The following ABCC10 variants were observed in gnomAD, a reference collection of about 807,000 sequenced individuals.
ABCC10 encodes the protein ATP-binding cassette sub-family C member 10.
In ABCC10, 110 loss-of-function variants were observed where a neutral mutation model predicts 143.2. That is an observed-to-expected ratio of 0.77 (90% CI 0.66 to 0.90). The LOEUF (loss-of-function observed/expected upper bound fraction) is 0.90. Among genes scored for constraint, ABCC10 ranks in the 40% least tolerant of loss-of-function variants. ABCC10 has a pLI of 0.00. For synonymous variants in ABCC10, 805 were observed against 846.7 expected, an observed-to-expected ratio of 0.95 and a Z score of 0.85; for missense variants, 1,700 against 1,900.5, an observed-to-expected ratio of 0.89 and a Z score of 1.96.
chr6:43,432,358 T>C lies in ABCC10; in HGVS notation c.378T>C (p.Pro126=). The part of the protein sequence containing the change: ...SLALWVLAHS[P]HGHSRGPLAL... ...CCCTGTGGGTGTTGGCACATTCCCC[T>C]CATGGCCACTCCCGGGGTCCCTTGG... Residue 126 remains proline (P), a synonymous_variant, in exon 3 of 22, where the codon CCT becomes CCC. Transcript: ENST00000372530. 6.2e-7 allele frequency: 1 copy of C among 1,613,656 alleles called. No individual in the cohort carries two copies. Among genetic ancestry groups the C allele is most frequent in the Admixed American group, 1.7e-5 (1 of 60,034 alleles).
chr6:43,444,681 T>C (rs1782839944), intron 12 of ABCC10, 107 bp from the exon 13 acceptor site: 2 of 1,461,066 alleles, frequency 1.4e-6, no homozygotes, highest in Non-Finnish European at 1.8e-6. Flanking sequence ...GCCAGGCGGA[T>C]GGAGATGGGC....
rs1781273785 is a variant in ABCC10, at chr6:43,432,747, C to T, written c.767C>T (p.Pro256Leu). ...DICRLPHRLQ[P>L]TYLARVFQAH... ...TGCCGCCTCCCCCACAGACTGCAGC[C>T]AACCTACCTGGCTCGTGTCTTCCAG... The change falls in exon 3 of 22, where the codon CCA becomes CTA. Residue 256 changes from proline to leucine, a missense_variant. By Grantham distance (98) the Pro-to-Leu change is moderately conservative. Transcript: ENST00000372530. The T allele has an allele frequency of 3.1e-6, 5 of 1,614,054 alleles. No homozygotes were observed. The East Asian group carries it at 1.1e-4, about 36-fold the overall frequency.
chr6:43,429,855 G>A (rs1249933360), intron 2 of ABCC10, among the ~76,000 whole-genome samples: 3 of 152,114 alleles, frequency 2.0e-5, no homozygotes, highest in East Asian at 3.9e-4. Context: ...ATCTTGAATC[G>A]CTTGAACCCA....
In ABCC10 at chr6:43,444,210, A is replaced by G. The variant is rs778078772; in HGVS notation, c.2546A>G (p.Glu849Gly). Residue 849 changes from glutamate (E) to glycine (G), a missense_variant, in exon 12 of 22, where the codon GAG becomes GGG. Transcript: ENST00000372530. ...GAGAAAACAAAGGAGGGGCTGGAGG[A>G]GGAGCAGAGCACATCTGGTCGCCTG... The part of the protein sequence containing the change: ...NPEKTKEGLE[E>G]EQSTSGRLLQ... 11 of 1,614,150 alleles carry G rather than the reference A, an allele frequency of 6.8e-6. No homozygotes were observed. Among genetic ancestry groups the G allele is most frequent in the Non-Finnish European group, 9.3e-6 (11 of 1,180,012 alleles).
At chr6:43,446,020 G>A in intron 15 of ABCC10, 78 bp downstream of exon 15, 1 of 1,458,268 alleles carries the variant, frequency 6.9e-7, no homozygotes, top group Non-Finnish European at 9.2e-7. Flanking sequence ...GGAATATGCA[G>A]GGTATGGTTG....
chr6:43,429,582 C>A (rs1053166903), intron 2 of ABCC10, among the ~76,000 whole-genome samples: 3 of 152,064 alleles, frequency 2.0e-5, no homozygotes, highest in Non-Finnish European at 2.9e-5. Context: ...CAAGTGCATG[C>A]CACCACACCT....
chr6:43,428,099 C>T lies in ABCC10; in HGVS notation c.121C>T (p.Leu41Phe), dbSNP rs953490813. ...QLVLSALPHA[L>F]LAVLSACYLG... ...GGTGCTCAGCGCCCTGCCCCACGCG[C>T]TCCTCGCCGTGCTCAGTGCCTGTTA... Residue 41 changes from leucine to phenylalanine, a missense_variant, in exon 2 of 22, where the codon CTC becomes TTC. Coordinates refer to ENST00000372530, the MANE Select transcript of ABCC10 (RefSeq NM_001198934.2). The T allele has an allele frequency of 4.9e-5, 76 of 1,553,978 alleles. No individual in the cohort carries two copies. Among genetic ancestry groups the T allele is most frequent in the Non-Finnish European group, 5.8e-5 (67 of 1,151,070 alleles).
chr6:43,451,374 C>G (rs1581811465), downstream of ABCC10: 5 of 1,425,758 alleles, frequency 3.5e-6, no homozygotes, highest in East Asian at 1.2e-4. This position sits in a 1 kb window ranked among gnomAD's most constrained non-coding sequence, Gnocchi z 4.4. Context: ...TCATCTTGGG[C>G]TACACACTCC....
intron 17 of ABCC10, 47 bp from the exon 18 acceptor site, chr6:43,447,637 C>T (rs771602351): frequency 1.2e-6 from 2 of 1,608,854 alleles, no homozygotes; most frequent in African/African-American, 1.3e-5. Flanking sequence ...TCCTCATCTC[C>T]CCTATCTCCC....
Position 43,434,411 on chromosome 6 carries a change from G to C in ABCC10, c.1381-210G>C, listed in dbSNP as rs140010470. ...AGCAAATGGAGAAGTAAGAGACTGGGAGGGGAAGCAACCCAGGGCTGAAAA... is the reference window on the plus strand; with the variant it reads ...AGCAAATGGAGAAGTAAGAGACTGGCAGGGGAAGCAACCCAGGGCTGAAAA... On this transcript the variant is annotated intron_variant, in intron 3 of 21. Transcript: ENST00000372530. The C allele has an allele frequency of 8.7e-4, 461 of 532,330 alleles. 1 individual carries two copies. The highest frequency in any genetic ancestry group is 6.5e-3 in the African/African-American group (345 of 53,030). The allele number at this position is 532,330 out of a possible 1,614,324, so 33.0% of individuals were successfully genotyped here.
At chr6:43,427,829 G>A in intron 1 of ABCC10, 72 bp downstream of exon 1, 1 of 913,272 alleles carries the variant, frequency 1.1e-6, no homozygotes, top group Non-Finnish European at 1.8e-6. Context: ...CGCGAGAATG[G>A]GCGGGGTCTG....
chr6:43,433,100 C>T lies in ABCC10; in HGVS notation c.1120C>T (p.Arg374Cys), dbSNP rs781618715. Residue 374 changes from arginine to cysteine, a missense_variant, in exon 3 of 22, where the codon CGC becomes TGC. By Grantham distance (180) the Arg-to-Cys change is radical (BLOSUM62 -3). Coordinates refer to ENST00000372530, the MANE Select transcript of ABCC10 (RefSeq NM_001198934.2). ...CAAGGCTTTACAGCTGGGGCCCAGC[C>T]GCCCTCCTACTGGGGAGGCCCTGAA... ...YCKALQLGPS[R>C]PPTGEALNLL... 1.6e-5 allele frequency: 26 copies of T among 1,614,014 alleles called. No homozygotes were observed. Among genetic ancestry groups the T allele is most frequent in the East Asian group, 8.9e-5 (4 of 44,894 alleles).
At chr6:43,427,928 T>G in intron 1 of ABCC10, 40 bp from the exon 2 acceptor site, 1 of 1,607,784 alleles carries the variant, frequency 6.2e-7, no homozygotes, top group Non-Finnish European at 8.5e-7. Flanking sequence ...CAAAGCCGGC[T>G]GTTACCCTGC....
At chr6:43,446,192 A>G (rs1421635285) in intron 15 of ABCC10, 85 bp from the exon 16 acceptor site, 5 of 1,493,302 alleles carry the variant, frequency 3.3e-6, no homozygotes, top group African/African-American at 1.4e-5. Flanking sequence ...GAGCTGCTCA[A>G]TAAGGGCCTT....
chr6:43,451,437 C>A (rs1783727831), downstream of ABCC10, among the ~76,000 whole-genome samples: 2 of 152,208 alleles, frequency 1.3e-5, no homozygotes, highest in Non-Finnish European at 2.9e-5. This position sits in a 1 kb window ranked among gnomAD's most constrained non-coding sequence, Gnocchi z 4.4. Flanking sequence ...ACCCAGCTTC[C>A]CTAATTGTGA....
chr6:43,451,148 C>G (rs34277104), downstream of ABCC10: 1 of 1,614,084 alleles, frequency 6.2e-7, no homozygotes, highest in Non-Finnish European at 8.5e-7. The surrounding 1 kb of genome is among the most constrained non-coding windows in gnomAD (Gnocchi z 4.4). Context: ...TAGCACAAGG[C>G]CGCATCAGGC....
chr6:43,442,002 G>A (rs1213842752), intron 9 of ABCC10, 42 bp downstream of exon 9: 8 of 1,569,088 alleles, frequency 5.1e-6, no homozygotes, highest in African/African-American at 1.4e-5. Context: ...GAGGTGGGGG[G>A]AGTCCAGAGC....
chr6:43,433,494 C>A, intron 3 of ABCC10, 134 bp downstream of exon 3: 2 of 1,400,902 alleles, frequency 1.4e-6, no homozygotes, highest in Non-Finnish European at 1.9e-6. Context: ...GAAAGGTAGA[C>A]CTGGGTTCAA....
intron 2 of ABCC10, among the ~76,000 whole-genome samples, chr6:43,429,372 T>TTGTGTGTGTG (rs1201780354): frequency 0.036 from 3,480 of 97,990 alleles, 151 homozygotes; most frequent in African/African-American, 0.063. Flanking sequence ...CTTTTCTTTC[T>TTGTGTGTGTG]TGTGTGTGTG....
Sources: allele counts gnomAD v4.1 joint callset (sites outside exome capture counted in the v4.1 genomes callset), GRCh38; gene constraint gnomAD v4.1.1; non-coding constraint Gnocchi (gnomAD v3.1); transcripts MANE v1.5; gene names NCBI Gene and HGNC (gene_info 2026-07-23, HGNC 2026-07-21).